The following KIAA1328 variants were observed in gnomAD, a reference collection of about 807,000 sequenced individuals.
KIAA1328 encodes the protein KIAA1328.
KIAA1328 carries 52 observed loss-of-function variants against 68.1 expected under a neutral mutation model. The ratio of observed to expected loss-of-function variants is 0.76; its 90% CI spans 0.61 to 0.96. The LOEUF is 0.96. Ranked by LOEUF, KIAA1328 falls within the 40% of genes least tolerant of loss-of-function variation. The pLI, the probability that KIAA1328 is intolerant of heterozygous loss-of-function variation, is 0.00. For synonymous variants in KIAA1328, 232 were observed against 239.4 expected, an observed-to-expected ratio of 0.97 and a Z score of 0.28; for missense variants, 641 against 677.6, an observed-to-expected ratio of 0.95 and a Z score of 0.60.
intron 7 of KIAA1328, among the ~76,000 whole-genome samples, chr18:37,131,244 A>G (rs1033800173): frequency 6.6e-6 from 1 of 152,170 alleles, no homozygotes; most frequent in Non-Finnish European, 1.5e-5. Context: ...TTTTGTCATT[A>G]TCTTTAGCAA....
intron 5 of KIAA1328, among the ~76,000 whole-genome samples, chr18:36,945,963 T>G (rs950327138): frequency 2.6e-5 from 4 of 152,250 alleles, no homozygotes; most frequent in Non-Finnish European, 4.4e-5. Flanking sequence ...TTGCGGTATT[T>G]GCAATATACT....
intron 6 of KIAA1328, among the ~76,000 whole-genome samples, chr18:37,013,300 C>G (rs550540452): frequency 6.6e-6 from 1 of 152,238 alleles, no homozygotes; most frequent in Admixed American, 6.6e-5. Flanking sequence ...ATTAAATAAT[C>G]TATAGACTTC....
chr18:37,111,140 A>G (rs969019203), intron 7 of KIAA1328, among the ~76,000 whole-genome samples: 7 of 152,166 alleles, frequency 4.6e-5, no homozygotes, highest in Non-Finnish European at 1.0e-4. Flanking sequence ...ATATATTATA[A>G]GATATATTGC....
intron 5 of KIAA1328, among the ~76,000 whole-genome samples, chr18:36,940,241 A>C (rs1329113210): frequency 1.3e-5 from 2 of 152,202 alleles, no homozygotes; most frequent in East Asian, 3.8e-4. Context: ...CTCAGGCTAT[A>C]AGGTACACGT....
At chr18:37,184,600 G>T (rs570744251) in intron 9 of KIAA1328, among the ~76,000 whole-genome samples, 1 of 152,292 alleles carries the variant, frequency 6.6e-6, no homozygotes, top group South Asian at 2.1e-4. Flanking sequence ...AAAGGCCGAA[G>T]ATCTGGATTT....
Position 37,061,142 on chromosome 18 carries a change from G to A in KIAA1328, c.577-5748G>A, listed in dbSNP as rs146586339. On this transcript the variant is annotated intron_variant, in intron 6 of 9. Transcript: ENST00000280020. ...AAAAAAAGAGAAAGAAAAATACTAC[G>A]CAGTGATAAAAAGGATGCACTATTT... is the stretch of plus-strand genomic sequence containing the variant. Among the ~76,000 whole-genome samples, 66 of 152,092 alleles carry A rather than the reference G, an allele frequency of 4.3e-4. 1 individual carries two copies. The highest frequency in any genetic ancestry group is 3.4e-3 in the Middle Eastern group (1 of 294).
chr18:37,140,707 A>C (rs1292647111), intron 7 of KIAA1328, among the ~76,000 whole-genome samples: 1 of 152,140 alleles, frequency 6.6e-6, no homozygotes, highest in Non-Finnish European at 1.5e-5. Context: ...GTCTTCTGCT[A>C]TCTTGATATT....
In KIAA1328 at chr18:36,959,307, C is replaced by T. The variant is rs2051556061; in HGVS notation, c.449-1C>T. The stretch of plus-strand genomic sequence containing the variant: ...TTTTTTCCCTTAATTTGCAATCTCA[C>T]CTCTTCAGCTACAGTATAGAGAATG... On this transcript the variant is annotated splice_acceptor_variant, in intron 5 of 9. Coordinates refer to ENST00000280020, the MANE Select transcript of KIAA1328 (RefSeq NM_020776.3). LOFTEE classifies it high-confidence loss of function. 6.3e-7 allele frequency: 1 copy of T among 1,575,546 alleles called. No homozygotes were observed. Among genetic ancestry groups the T allele is most frequent in the East Asian group, 2.3e-5 (1 of 43,932 alleles).
chr18:36,911,986 AATACTT>A (rs71718421), intron 5 of KIAA1328, among the ~76,000 whole-genome samples: 20,203 of 152,070 alleles, frequency 0.13, 1,705 homozygotes, highest in Admixed American at 0.18. Flanking sequence ...GTGAGAAAAA[AATACTT>A]ATTCTTTCTC....
At chr18:37,204,456 A>G (rs544232740) in intron 9 of KIAA1328, among the ~76,000 whole-genome samples, 4 of 152,338 alleles carry the variant, frequency 2.6e-5, no homozygotes, top group Non-Finnish European at 5.9e-5. Context: ...ACAGGTATAC[A>G]TAAAAATACA....
chr18:36,922,200 T>G (rs142327918), intron 5 of KIAA1328, among the ~76,000 whole-genome samples: 14 of 152,346 alleles, frequency 9.2e-5, no homozygotes, highest in Middle Eastern at 3.4e-3. Context: ...TTTCCAAGTA[T>G]TAATGCCGTT....
intron 5 of KIAA1328, among the ~76,000 whole-genome samples, chr18:36,956,553 G>GGGGGGGGGA (rs2051428168): frequency 6.7e-6 from 1 of 149,958 alleles, no homozygotes; most frequent in African/African-American, 2.5e-5. Flanking sequence ...TGGGGGGGGG[G>GGGGGGGGGA]TGCATTTAGA....
intron 8 of KIAA1328, among the ~76,000 whole-genome samples, chr18:37,165,793 A>G (rs2059377991): frequency 6.6e-6 from 1 of 151,820 alleles, no homozygotes; most frequent in African/African-American, 2.4e-5. Context: ...GGGTTTCACC[A>G]TGTTGGCCAG....
chr18:37,181,822 A>G (rs1448049519), intron 9 of KIAA1328, among the ~76,000 whole-genome samples: 2 of 152,200 alleles, frequency 1.3e-5, no homozygotes, highest in African/African-American at 2.4e-5. Context: ...TACTTTTCAC[A>G]TGATTTTTCA....
At chr18:36,917,128 A>T (rs2049736457) in intron 5 of KIAA1328, among the ~76,000 whole-genome samples, 1 of 152,172 alleles carries the variant, frequency 6.6e-6, no homozygotes, top group African/African-American at 2.4e-5. Context: ...TTTTATAACA[A>T]AGTCTTTCAT....
At chr18:37,078,274 A>G (rs1447295393) in intron 7 of KIAA1328, among the ~76,000 whole-genome samples, 1 of 152,342 alleles carries the variant, frequency 6.6e-6, no homozygotes, top group Non-Finnish European at 1.5e-5. Context: ...CTGGCTAGCC[A>G]TATGTAGAAA....
At position 36,881,722 on chromosome 18, in the gene KIAA1328, A is replaced by G. The variant is rs2048334278; in HGVS notation, c.333-3835A>G. ...GGAATCATATATGTGATCTTTTGAA[A>G]CCAGTTTTTAAAACTCAGCATAGTG... On this transcript the variant is annotated intron_variant, in intron 4 of 9. Coordinates refer to ENST00000280020, the MANE Select transcript of KIAA1328 (RefSeq NM_020776.3). Among the ~76,000 whole-genome samples the G allele has an allele frequency of 2.0e-5, 3 of 152,308 alleles. No individual in the cohort carries two copies. The South Asian group carries it at 6.2e-4, about 32-fold the overall frequency.
At chr18:37,216,030 C>T (rs1305532773) in intron 9 of KIAA1328, among the ~76,000 whole-genome samples, 2 of 151,998 alleles carry the variant, frequency 1.3e-5, no homozygotes, top group African/African-American at 4.8e-5. Context: ...CTCTTTGACT[C>T]TTCTCCCTTT....
At chr18:36,980,081 T>C (rs1353733740) in intron 6 of KIAA1328, among the ~76,000 whole-genome samples, 1 of 152,182 alleles carries the variant, frequency 6.6e-6, no homozygotes, top group Non-Finnish European at 1.5e-5. Flanking sequence ...GGAGGCAGCA[T>C]TCAAAGTGCC....
Sources: gnomAD v4.1 joint callset for allele counts (sites outside exome capture counted in the v4.1 genomes callset) on GRCh38, gnomAD v4.1.1 for gene constraint, MANE v1.5 for transcripts, NCBI Gene and HGNC (gene_info 2026-07-23, HGNC 2026-07-21) for gene names.